SLC16A10: variants seen among roughly 807,000 people sequenced by gnomAD.
SLC16A10 encodes the protein monocarboxylate transporter 10.
Under a neutral mutation model 40.0 loss-of-function variants are expected in SLC16A10, and 27 were observed. The observed-to-expected ratio is 0.67, with a 90% CI of 0.50 to 0.93. The LOEUF is 0.93. SLC16A10 is among the 40% of genes least tolerant of loss of function. The pLI, the probability that SLC16A10 is intolerant of heterozygous loss-of-function variation, is 0.00. For missense variants in SLC16A10, 529 were observed against 658.2 expected (o/e 0.80, Z 2.15); for synonymous variants, 213 against 249.8 (o/e 0.85, Z 1.39).
intron 1 of SLC16A10, among the ~76,000 whole-genome samples, chr6:111,109,183 T>C (rs190642488): frequency 6.6e-6 from 1 of 152,320 alleles, no homozygotes; most frequent in Admixed American, 6.5e-5. Flanking sequence ...CATAATATAG[T>C]GTGTCCATCA....
chr6:111,209,069 C>T lies in SLC16A10; in HGVS notation c.1086+2334C>T, dbSNP rs561091220. Among the ~76,000 whole-genome samples, 201 of 152,044 alleles carry T rather than the reference C, an allele frequency of 1.3e-3. 1 individual carries two copies. Among genetic ancestry groups the T allele is most frequent in the African/African-American group, 4.6e-3 (192 of 41,462 alleles). ...AAAATTGTTTTAAGTTAGCCAGGCA[C>T]GGTGGCACATGCCTATAGTCTTAGC... On this transcript the variant is annotated intron_variant, in intron 4 of 5. Transcript: ENST00000368851.
chr6:111,133,368 T>C (rs985382017), intron 1 of SLC16A10, among the ~76,000 whole-genome samples: 3 of 152,140 alleles, frequency 2.0e-5, no homozygotes, highest in African/African-American at 7.2e-5. Flanking sequence ...TGTCCTTTTT[T>C]CAGATAGGAA....
chr6:111,177,061 A>G (rs1209421250), intron 2 of SLC16A10, 151 bp from the exon 3 acceptor site: 1 of 466,478 alleles, frequency 2.1e-6, no homozygotes, highest in Non-Finnish European at 3.6e-6. Flanking sequence ...TTTTCCCTCT[A>G]TTTTGGTTAA....
chr6:111,194,958 G>A (rs1031122440), intron 3 of SLC16A10, among the ~76,000 whole-genome samples: 12 of 151,916 alleles, frequency 7.9e-5, no homozygotes, highest in South Asian at 2.1e-4. Context: ...CACCACCCCC[G>A]CTTCCTTGTG....
At chr6:111,130,378 AT>A (rs1437265095) in intron 1 of SLC16A10, among the ~76,000 whole-genome samples, 1 of 152,194 alleles carries the variant, frequency 6.6e-6, no homozygotes, top group African/African-American at 2.4e-5. Context: ...TCTTCAGTGA[AT>A]CTGTTCACTG....
chr6:111,201,375 T>C (rs942784111), intron 3 of SLC16A10, among the ~76,000 whole-genome samples: 2 of 152,178 alleles, frequency 1.3e-5, no homozygotes, highest in African/African-American at 4.8e-5. Flanking sequence ...CAGTCTCTAC[T>C]CCTCCCTGGG....
rs540258694 is a variant in SLC16A10, at chr6:111,099,389, C to T, written c.343+11294C>T. On this transcript the variant is annotated intron_variant, in intron 1 of 5. Transcript: ENST00000368851. Reference sequence around the variant, plus strand: ...GAAGCGTAGGGGTATGAACACAGCTCACTGCAGCCTTGACCTGGGCTCAAG... The same window carrying T: ...GAAGCGTAGGGGTATGAACACAGCTTACTGCAGCCTTGACCTGGGCTCAAG... Among the ~76,000 whole-genome samples the T allele has an allele frequency of 6.6e-5, 10 of 152,300 alleles. No homozygotes were observed. In the South Asian group the frequency reaches 1.9e-3, roughly 28 times the overall value.
intron 1 of SLC16A10, among the ~76,000 whole-genome samples, chr6:111,107,536 A>T (rs1001952750): frequency 6.6e-6 from 1 of 152,224 alleles, no homozygotes; most frequent in Non-Finnish European, 1.5e-5. Flanking sequence ...CATCCGTGTC[A>T]ATTTTCAAGG....
At chr6:111,093,472 A>G (rs1300539133) in intron 1 of SLC16A10, among the ~76,000 whole-genome samples, 2 of 152,188 alleles carry the variant, frequency 1.3e-5, no homozygotes, top group Non-Finnish European at 2.9e-5. Flanking sequence ...GTGCTTCCTC[A>G]GAAATTGTTC....
chr6:111,100,843 T>C (rs1033510366), intron 1 of SLC16A10, among the ~76,000 whole-genome samples: 2 of 151,814 alleles, frequency 1.3e-5, no homozygotes, highest in Admixed American at 6.6e-5. Context: ...TGTATGCATA[T>C]ATACATACAT....
chr6:111,222,350 C>A lies in SLC16A10; in HGVS notation c.*115C>A. 7.5e-7 allele frequency: 1 copy of A among 1,328,942 alleles called. No homozygotes were observed. Among genetic ancestry groups the A allele is most frequent in the Non-Finnish European group, 9.9e-7 (1 of 1,011,394 alleles). The allele number at this position is 1,328,942 out of a possible 1,614,324, so 82.3% of individuals were successfully genotyped here. ...TTTTAATCACATCCTAGGAATAGCA[C>A]AATAATTGGGAAATAGAACCCTTAT... On this transcript the variant is annotated 3_prime_UTR_variant, in exon 6 of 6. Coordinates refer to ENST00000368851, the MANE Select transcript of SLC16A10 (RefSeq NM_018593.5).
chr6:111,109,058 A>T (rs942568083), intron 1 of SLC16A10, among the ~76,000 whole-genome samples: 15 of 152,216 alleles, frequency 9.9e-5, no homozygotes, highest in African/African-American at 3.4e-4. Context: ...TTAATTTTTT[A>T]AAATCAGCTT....
At chr6:111,215,135 T>TA (rs922843932) in intron 4 of SLC16A10, among the ~76,000 whole-genome samples, 8 of 150,980 alleles carry the variant, frequency 5.3e-5, no homozygotes, top group Non-Finnish European at 8.9e-5. Flanking sequence ...ATAAAAAAAA[T>TA]AAAAAAAAGA....
chr6:111,145,077 C>A (rs981984917), intron 1 of SLC16A10, among the ~76,000 whole-genome samples: 2 of 152,038 alleles, frequency 1.3e-5, no homozygotes, highest in African/African-American at 4.8e-5. Context: ...AAGCAATCCT[C>A]CATCTTGGCC....
At chr6:111,171,689 A>ATG (rs1256758421) in intron 1 of SLC16A10, among the ~76,000 whole-genome samples, 2 of 151,888 alleles carry the variant, frequency 1.3e-5, no homozygotes, top group Non-Finnish European at 2.9e-5. Flanking sequence ...GGTGGTGCAC[A>ATG]CCTGTGGTTC....
intron 1 of SLC16A10, among the ~76,000 whole-genome samples, chr6:111,135,698 T>C (rs1376527165): frequency 6.6e-6 from 1 of 152,220 alleles, no homozygotes; most frequent in East Asian, 1.9e-4. Context: ...CCCCATCTAT[T>C]TGGCCAGGCA....
chr6:111,136,556 C>T (rs185933646), intron 1 of SLC16A10, among the ~76,000 whole-genome samples: 13 of 152,330 alleles, frequency 8.5e-5, no homozygotes, highest in Admixed American at 2.0e-4. Flanking sequence ...GCTGTGACTG[C>T]GCACTTGTGC....
At chr6:111,197,884 A>G (rs1773105278) in intron 3 of SLC16A10, among the ~76,000 whole-genome samples, 1 of 152,190 alleles carries the variant, frequency 6.6e-6, no homozygotes, top group Non-Finnish European at 1.5e-5. Flanking sequence ...GCCACTTGTG[A>G]TGGATCCACC....
At chr6:111,147,772 T>C (rs1284189732) in intron 1 of SLC16A10, among the ~76,000 whole-genome samples, 4 of 152,184 alleles carry the variant, frequency 2.6e-5, no homozygotes, top group Non-Finnish European at 5.9e-5. Context: ...GAAATCCCTT[T>C]TTGTTTTGTG....
Sources: allele counts gnomAD v4.1 joint callset (sites outside exome capture counted in the v4.1 genomes callset), GRCh38; gene constraint gnomAD v4.1.1; transcripts MANE v1.5; gene names NCBI Gene and HGNC (gene_info 2026-07-23, HGNC 2026-07-21).